Variants in ERCC1 observed in about 807,000 individuals in gnomAD.
The protein encoded by ERCC1 is DNA excision repair protein ERCC-1.
A neutral mutation model predicts 37.6 loss-of-function variants in ERCC1; 36 were observed. That is an observed-to-expected ratio of 0.96 (90% CI 0.73 to 1.26). The LOEUF (loss-of-function observed/expected upper bound fraction) is 1.26. Among genes scored for constraint, ERCC1 ranks in the 50% most tolerant of loss-of-function variants. ERCC1 has a pLI of 0.00. For missense variants in ERCC1, 349 were observed against 376.5 expected, an observed-to-expected ratio of 0.93 and a Z score of 0.60; for synonymous variants, 156 against 162.1, an observed-to-expected ratio of 0.96 and a Z score of 0.28.
At chr19:45,434,328 C>CA (rs61587027) in intron 1 of ERCC1, among the ~76,000 whole-genome samples, 69,329 of 138,124 alleles carry the variant, frequency 0.5, 18,343 homozygotes, top group East Asian at 0.72. Flanking sequence ...CCAAAAAATA[C>CA]AAAAAAAAAA....
upstream of ERCC1, among the ~76,000 whole-genome samples, chr19:45,425,323 G>A (rs946797421): frequency 6.6e-6 from 1 of 151,918 alleles, no homozygotes; most frequent in African/African-American, 2.4e-5. Context: ...ACACAGACAC[G>A]GTCCCAAACA....
chr19:45,414,797 G>A, intron 7 of ERCC1, 64 bp downstream of exon 7: 1 of 1,178,332 alleles, frequency 8.5e-7, no homozygotes, highest in South Asian at 1.2e-5. Context: ...AATTGGAACT[G>A]AAGCTCAACC....
Position 45,409,132 on chromosome 19 carries a change from GA to G in ERCC1, c.*542del. ...TGGCAGCTCCCAAAAAGAAGACGAA[GA>G]AAGAAAAACAGCAAGATGCCACAGT... On this transcript the variant is annotated 3_prime_UTR_variant, in exon 10 of 10. Coordinates refer to ENST00000300853, the MANE Select transcript of ERCC1 (RefSeq NM_001983.4). 6.2e-7 allele frequency: 1 copy of G among 1,613,102 alleles called. No homozygotes were observed. The highest frequency in any genetic ancestry group is 8.5e-7 in the Non-Finnish European group (1 of 1,179,364).
At chr19:45,446,587 C>T (rs1020182284) in intron 1 of ERCC1, among the ~76,000 whole-genome samples, 6 of 152,074 alleles carry the variant, frequency 3.9e-5, no homozygotes, top group African/African-American at 1.4e-4. Flanking sequence ...ATTCCCAAGC[C>T]CACACACCCG....
intron 8 of ERCC1, 75 bp from the exon 9 acceptor site, chr19:45,413,820 G>A: frequency 6.2e-7 from 1 of 1,603,546 alleles, no homozygotes; most frequent in South Asian, 1.1e-5. Flanking sequence ...AGGGGCCTCA[G>A]ATATTCCCCA....
At chr19:45,426,959 T>TCAAAAAAAAAAAA (rs35772076), upstream of ERCC1, among the ~76,000 whole-genome samples, 1 of 92,466 alleles carries the variant, frequency 1.1e-5, no homozygotes. Context: ...AAACTCCATC[T>TCAAAAAAAAAAAA]AAAAAAAAAA....
intron 1 of ERCC1, among the ~76,000 whole-genome samples, chr19:45,450,125 G>A (rs1967068356): frequency 6.6e-6 from 1 of 152,118 alleles, no homozygotes; most frequent in South Asian, 2.1e-4. Flanking sequence ...TCCATTTCAG[G>A]AAGGAAGGAG....
At chr19:45,437,282 G>A (rs1463998957) in intron 1 of ERCC1, among the ~76,000 whole-genome samples, 2 of 150,416 alleles carry the variant, frequency 1.3e-5, no homozygotes, top group African/African-American at 2.5e-5. Context: ...ATGTGTGTGT[G>A]TATATATATA....
Position 45,407,560 on chromosome 19 carries a change from T to C in ERCC1, c.*2115A>G, listed in dbSNP as rs1973420728. 1 of 321,968 alleles carries C rather than the reference T, an allele frequency of 3.1e-6. No homozygotes were observed. Among genetic ancestry groups the C allele is most frequent in the African/African-American group, 2.1e-5 (1 of 46,676 alleles). The allele number at this position is 321,968 out of a possible 1,614,324, so 19.9% of individuals were successfully genotyped here. On this transcript the variant is annotated 3_prime_UTR_variant, in exon 10 of 10. Transcript: ENST00000300853. ...AACCTAAGCTTGCTCATTTATGTTA[T>C]ATTTAAGTAATGGGGGCTGCATTCT...
rs1464278303 is a variant in ERCC1 at position 45,407,979 on chromosome 19, AGGAGGT to A, written c.*1690_*1695del. 1.0e-6 allele frequency: 1 copy of A among 983,640 alleles called. No homozygotes were observed. Among genetic ancestry groups the A allele is most frequent in the Non-Finnish European group, 1.4e-6 (1 of 702,456 alleles). 60.9% of individuals were successfully genotyped at this position (983,640 alleles called of 1,614,324 possible). On this transcript the variant is annotated 3_prime_UTR_variant, in exon 10 of 10. Coordinates refer to ENST00000300853, the MANE Select transcript of ERCC1 (RefSeq NM_001983.4). Reference sequence around the variant, plus strand: ...TGAGGCAGGAGAATCGCTTGAACCCAGGAGGTGGACATTGCAGTGAGCCGAGATCAT... The same window carrying A: ...TGAGGCAGGAGAATCGCTTGAACCCAGGACATTGCAGTGAGCCGAGATCAT...
At chr19:45,430,690 C>T (rs895248842) in intron 1 of ERCC1, among the ~76,000 whole-genome samples, 24 of 151,954 alleles carry the variant, frequency 1.6e-4, no homozygotes, top group Admixed American at 1.1e-3. Flanking sequence ...AGGCATCAGG[C>T]GGATCACGTG....
intron 9 of ERCC1, 136 bp from the exon 10 acceptor site, chr19:45,409,861 G>A (rs543214877): frequency 5.3e-4 from 279 of 531,238 alleles, no homozygotes; most frequent in Non-Finnish European, 7.9e-4. Flanking sequence ...AAACAATCCA[G>A]TTACAATCTT....
At chr19:45,444,692 A>C (rs1975215668) in intron 1 of ERCC1, among the ~76,000 whole-genome samples, 1 of 152,222 alleles carries the variant, frequency 6.6e-6, no homozygotes, top group Non-Finnish European at 1.5e-5. Context: ...CAGAGATATA[A>C]GGAAAGACCA....
At chr19:45,436,249 G>A (rs1186156093) in intron 1 of ERCC1, among the ~76,000 whole-genome samples, 1 of 152,144 alleles carries the variant, frequency 6.6e-6, no homozygotes, top group Non-Finnish European at 1.5e-5. Context: ...TGCCGTTAGC[G>A]TGGAGGGGAC....
rs1974311069 is a variant in ERCC1, at chr19:45,420,012, G to T, written c.425+312C>A. On this transcript the variant is annotated intron_variant, in intron 4 of 9. Transcript: ENST00000300853. The surrounding 1 kb of genome is among the most constrained non-coding windows in gnomAD (Gnocchi z 4.8). ...CCCAGCCCCTCCTGCCTCAGACCCA[G>T]GAGTCTAGGCCCCAGCCCCTCCTCC... is the stretch of plus-strand genomic sequence containing the variant. Among the ~76,000 whole-genome samples, 1 of 130,310 alleles carries T rather than the reference G, an allele frequency of 7.7e-6. No homozygotes were observed. Among genetic ancestry groups the T allele is most frequent in the Non-Finnish European group, 1.6e-5 (1 of 62,748 alleles). The allele number at this position is 130,310 out of a possible 152,430, so 85.5% of individuals were successfully genotyped here.
At chr19:45,423,202 G>GC (rs1184970458) in intron 2 of ERCC1, 68 bp downstream of exon 2, 1 of 1,472,930 alleles carries the variant, frequency 6.8e-7, no homozygotes, top group Non-Finnish European at 9.3e-7. Flanking sequence ...GGTCCCACAG[G>GC]CCCCATCCTA....
intron 1 of ERCC1, among the ~76,000 whole-genome samples, chr19:45,449,969 A>T (rs1967063718): frequency 6.6e-6 from 1 of 152,224 alleles, no homozygotes; most frequent in East Asian, 1.9e-4. Flanking sequence ...CATCTCAAAC[A>T]AAACAAAAAA....
chr19:45,435,863 C>T (rs774788895), intron 1 of ERCC1, among the ~76,000 whole-genome samples: 3 of 152,136 alleles, frequency 2.0e-5, no homozygotes, highest in South Asian at 2.1e-4. Context: ...CGGATTCAAG[C>T]GATTCTCTCA....
chr19:45,414,900 G>A lies in ERCC1; in HGVS notation c.663C>T (p.Asp221=), dbSNP rs1477624218. Reference sequence around the variant, plus strand: ...CCTGCTCTAGCTTCTCCATCAGGAGGTCCGCTGGTTTCTGCTCATAGGCCT... The same window carrying A: ...CCTGCTCTAGCTTCTCCATCAGGAGATCCGCTGGTTTCTGCTCATAGGCCT... ...TYKAYEQKPA[D]LLMEKLEQDF... The change falls in exon 7 of 10, where the codon GAC becomes GAT. Residue 221 remains aspartate, a synonymous_variant. Coordinates refer to ENST00000300853, the MANE Select transcript of ERCC1 (RefSeq NM_001983.4). 1 of 1,613,818 alleles carries A rather than the reference G, an allele frequency of 6.2e-7. No individual in the cohort carries two copies. The highest frequency in any genetic ancestry group is 1.1e-5 in the South Asian group (1 of 91,082).
Sources: gnomAD v4.1 joint callset for allele counts (sites outside exome capture counted in the v4.1 genomes callset) on GRCh38, gnomAD v4.1.1 for gene constraint, Gnocchi (gnomAD v3.1) non-coding constraint, MANE v1.5 for transcripts, NCBI Gene and HGNC (gene_info 2026-07-23, HGNC 2026-07-21) for gene names.